The following KCNIP1 variants were observed in gnomAD, a reference collection of about 807,000 sequenced individuals.
KCNIP1 encodes potassium voltage-gated channel interacting protein 1.
Under a neutral mutation model 33.0 loss-of-function variants are expected in KCNIP1, and 18 were observed. The observed-to-expected ratio is 0.55, with a 90% CI of 0.38 to 0.81. The LOEUF is 0.81. KCNIP1 is among the 30% of genes least tolerant of loss of function. The pLI is 0.00. For missense variants in KCNIP1, 238 were observed against 271.6 expected (o/e 0.88, Z 0.87); for synonymous variants, 93 against 98.3 (o/e 0.95, Z 0.32).
intron 1 of KCNIP1, among the ~76,000 whole-genome samples, chr5:170,391,944 C>T (rs963744477): frequency 1.3e-5 from 2 of 152,184 alleles, no homozygotes; most frequent in Non-Finnish European, 2.9e-5. Context: ...ATCAACACTC[C>T]ACCATCAAGA....
intron 1 of KCNIP1, chr5:170,377,726 C>T (rs111240623): frequency 2.0e-5 from 3 of 152,202 alleles, no homozygotes; most frequent in African/African-American, 7.2e-5. Context: ...GTGCCCACCA[C>T]CACGCCTGGC....
intron 1 of KCNIP1, among the ~76,000 whole-genome samples, chr5:170,699,003 C>G (rs1056334658): frequency 6.6e-6 from 1 of 152,194 alleles, no homozygotes; most frequent in South Asian, 2.1e-4. Flanking sequence ...CCCAAGACAG[C>G]CCTGGCCTCT....
chr5:170,515,646 A>G (rs960667359), intron 1 of KCNIP1, among the ~76,000 whole-genome samples: 8 of 152,336 alleles, frequency 5.3e-5, no homozygotes, highest in Non-Finnish European at 1.2e-4. Context: ...GAGGACACTG[A>G]AGACTAGAGG....
At chr5:170,646,233 A>G (rs1303984675) in intron 1 of KCNIP1, among the ~76,000 whole-genome samples, 1 of 152,220 alleles carries the variant, frequency 6.6e-6, no homozygotes, top group African/African-American at 2.4e-5. Flanking sequence ...AATATTTCCT[A>G]ACTCATTCTA....
At chr5:170,458,755 T>A (rs114101580) in intron 1 of KCNIP1, among the ~76,000 whole-genome samples, 6,633 of 152,240 alleles carry the variant, frequency 0.044, 201 homozygotes, top group African/African-American at 0.087. Context: ...CTTTAAGGCA[T>A]AAATCTCACA....
chr5:170,690,832 C>T (rs368529363), intron 1 of KCNIP1, among the ~76,000 whole-genome samples: 44 of 152,346 alleles, frequency 2.9e-4, no homozygotes, highest in South Asian at 1.4e-3. Flanking sequence ...ACTACACTCT[C>T]CCAATCTCCC....
Position 170,722,810 on chromosome 5 carries a change from T to C in KCNIP1, c.425T>C (p.Ile142Thr). The change falls in exon 5 of 8, where the codon ATA (isoleucine) becomes ACA (threonine). Residue 142 changes from isoleucine to threonine, a missense_variant. Physicochemically the swap from Ile to Thr is moderately conservative, Grantham distance 89. Transcript: ENST00000328939. ...TATGACATCAACAAGGACGGATACA[T>C]AAACAAAGAGGTAAGTGAGCTGGGG... ...NLYDINKDGY[I>T]NKEEMMDIVK... 6.2e-7 allele frequency: 1 copy of C among 1,610,762 alleles called. No individual in the cohort carries two copies. The highest frequency in any genetic ancestry group is 1.1e-5 in the South Asian group (1 of 90,914).
At chr5:170,625,201 C>T (rs1002733967) in intron 1 of KCNIP1, among the ~76,000 whole-genome samples, 2 of 152,118 alleles carry the variant, frequency 1.3e-5, no homozygotes, top group African/African-American at 4.8e-5. Context: ...CCCACGTGGC[C>T]GCAGGAAAGT....
chr5:170,575,177 A>T (rs748532621), intron 1 of KCNIP1, among the ~76,000 whole-genome samples: 5 of 152,196 alleles, frequency 3.3e-5, no homozygotes, highest in Non-Finnish European at 5.9e-5. Flanking sequence ...TTTGAAGTTT[A>T]TTGGTTTTGC....
chr5:170,503,749 CACACACACACACACAT>C (rs1581248765), upstream of KCNIP1, among the ~76,000 whole-genome samples: 2 of 151,182 alleles, frequency 1.3e-5, no homozygotes, highest in South Asian at 4.2e-4. Context: ...CACACACACA[CACACACACACACACAT>C]ACACACACAC....
At chr5:170,449,534 C>T (rs928546918) in intron 1 of KCNIP1, among the ~76,000 whole-genome samples, 5 of 152,214 alleles carry the variant, frequency 3.3e-5, no homozygotes, top group African/African-American at 1.2e-4. Flanking sequence ...CACTTAGCAG[C>T]TGGATGATGT....
chr5:170,450,897 A>G (rs1388130761), intron 1 of KCNIP1, among the ~76,000 whole-genome samples: 2 of 152,146 alleles, frequency 1.3e-5, no homozygotes, highest in Non-Finnish European at 2.9e-5. Context: ...ACTGTGGCTG[A>G]CACGTTCAGT....
intron 1 of KCNIP1, among the ~76,000 whole-genome samples, chr5:170,602,879 T>G (rs1483783295): frequency 6.6e-6 from 1 of 152,166 alleles, no homozygotes; most frequent in African/African-American, 2.4e-5. Flanking sequence ...CCCTGAGCTT[T>G]CTGATTCCAC....
chr5:170,628,722 T>C (rs1759934709), intron 1 of KCNIP1, among the ~76,000 whole-genome samples: 1 of 152,196 alleles, frequency 6.6e-6, no homozygotes, highest in African/African-American at 2.4e-5. Flanking sequence ...AAGACACCCG[T>C]CAATACATGA....
In KCNIP1 at chr5:170,707,092, G is replaced by C. The variant is rs796255646; in HGVS notation, c.62-11666G>C. ...AAATACACTAGCTGGTGGCAGGATT[G>C]GGACGTCATTTGACTAATTGCCTCC... On this transcript the variant is annotated intron_variant, in intron 1 of 7. Transcript: ENST00000328939. Among the ~76,000 whole-genome samples the C allele has an allele frequency of 4.6e-5, 7 of 151,478 alleles. No individual in the cohort carries two copies. The South Asian group carries it at 1.0e-3, about 23-fold the overall frequency.
At chr5:170,460,676 A>G (rs1756484725) in intron 1 of KCNIP1, among the ~76,000 whole-genome samples, 1 of 152,202 alleles carries the variant, frequency 6.6e-6, no homozygotes, top group African/African-American at 2.4e-5. Flanking sequence ...AAATTGGCAC[A>G]CAAGGGACAT....
intron 1 of KCNIP1, among the ~76,000 whole-genome samples, chr5:170,712,070 C>A (rs1261642338): frequency 3.3e-5 from 5 of 152,146 alleles, no homozygotes; most frequent in African/African-American, 1.2e-4. Flanking sequence ...CCCACAAAGG[C>A]CAGCAGGAGA....
At chr5:170,434,802 A>G (rs1003840802) in intron 1 of KCNIP1, among the ~76,000 whole-genome samples, 1 of 152,160 alleles carries the variant, frequency 6.6e-6, no homozygotes, top group Non-Finnish European at 1.5e-5. Flanking sequence ...TTAAAATACA[A>G]AAATCAGCCG....
chr5:170,494,644 C>T (rs1424903333), intron 1 of KCNIP1, among the ~76,000 whole-genome samples: 3 of 152,184 alleles, frequency 2.0e-5, no homozygotes, highest in Non-Finnish European at 4.4e-5. Context: ...GTCCTCTAAA[C>T]CAAGACCAAA....
Sources: allele counts gnomAD v4.1 joint callset (sites outside exome capture counted in the v4.1 genomes callset), GRCh38; gene constraint gnomAD v4.1.1; transcripts MANE v1.5; gene names NCBI Gene and HGNC (gene_info 2026-07-23, HGNC 2026-07-21).